Variants in TOP1 observed in about 807,000 individuals in gnomAD.
TOP1 encodes DNA topoisomerase I, also known as DNA topoisomerase 1.
TOP1 carries 10 observed loss-of-function variants against 111.1 expected under a neutral mutation model. That is an observed-to-expected ratio of 0.09 (90% CI 0.06 to 0.15). The LOEUF (loss-of-function observed/expected upper bound fraction) is 0.15. Among genes scored for constraint, TOP1 ranks in the 10% least tolerant of loss-of-function variants. The pLI is 1.00. For synonymous variants in TOP1, 271 were observed against 302.9 expected (o/e 0.89, Z 1.10); for missense variants, 474 against 926.7 (o/e 0.51, Z 6.34).
chr20:41,088,001 T>C (rs1351977911), intron 8 of TOP1, among the ~76,000 whole-genome samples: 2 of 152,234 alleles, frequency 1.3e-5, no homozygotes, highest in African/African-American at 4.8e-5. Flanking sequence ...CAGAACTGTT[T>C]GCTTTTATTT....
intron 2 of TOP1, among the ~76,000 whole-genome samples, chr20:41,040,616 A>AT (rs1306059402): frequency 1.1e-4 from 17 of 152,098 alleles, no homozygotes; most frequent in Non-Finnish European, 2.5e-4. Flanking sequence ...TGGAAATTTG[A>AT]TTTTTAAAAA....
rs1354239470 is a variant in TOP1 at position 41,115,935 on chromosome 20, G to T, written c.1708-343G>T. Among the ~76,000 whole-genome samples the T allele has an allele frequency of 6.6e-6, 1 of 152,088 alleles. No homozygotes were observed. The highest frequency in any genetic ancestry group is 1.5e-5 in the Non-Finnish European group (1 of 68,016). ...GCAACATGGCAAAACCATTATCCAG[G>T]TGTGGTAGTCCACACCTGTAGTCCC... On this transcript the variant is annotated intron_variant, in intron 16 of 20. Coordinates refer to ENST00000361337, the MANE Select transcript of TOP1 (RefSeq NM_003286.4). This position sits in a 1 kb window ranked among gnomAD's most constrained non-coding sequence, Gnocchi z 6.3.
At chr20:41,062,807 A>G (rs2033561431) in intron 3 of TOP1, among the ~76,000 whole-genome samples, 2 of 152,244 alleles carry the variant, frequency 1.3e-5, no homozygotes, top group Non-Finnish European at 2.9e-5. Flanking sequence ...TTTAGTCCAA[A>G]TAGAAAATAA....
intron 3 of TOP1, among the ~76,000 whole-genome samples, chr20:41,063,260 G>T (rs1027324665): frequency 1.3e-5 from 2 of 152,134 alleles, no homozygotes; most frequent in East Asian, 3.8e-4. Flanking sequence ...TGCTACAAAG[G>T]ACATGATTCA....
intron 8 of TOP1, among the ~76,000 whole-genome samples, chr20:41,088,069 T>C (rs1198898271): frequency 6.6e-6 from 1 of 152,238 alleles, no homozygotes; most frequent in African/African-American, 2.4e-5. Flanking sequence ...TATTCTGTCT[T>C]TCTGTTTAAA....
Position 41,057,391 on chromosome 20 carries a change from TAA to T in TOP1, c.59-3992_59-3991del, listed in dbSNP as rs533526984. Among the ~76,000 whole-genome samples the T allele has an allele frequency of 2.3e-3, 329 of 143,400 alleles. 1 individual carries two copies. Among genetic ancestry groups the T allele is most frequent in the African/African-American group, 6.9e-3 (271 of 39,256 alleles). The allele number at this position is 143,400 out of a possible 152,430, so 94.1% of individuals were successfully genotyped here. A position where few individuals can be genotyped will look rare whatever the true frequency, so the allele number is the denominator to read the frequency against. ...AGTGAGACTCTGTCTCCAAAAAAAA[TAA>T]AAAAAAAAAAGTTATTGGCAGACTG... On this transcript the variant is annotated intron_variant, in intron 2 of 20. Coordinates refer to ENST00000361337, the MANE Select transcript of TOP1 (RefSeq NM_003286.4).
At chr20:41,066,533 G>A (rs914602727) in intron 3 of TOP1, among the ~76,000 whole-genome samples, 1 of 149,060 alleles carries the variant, frequency 6.7e-6, no homozygotes, top group Non-Finnish European at 1.5e-5. Context: ...TTTGTTGTAT[G>A]TACTTTTGTG....
Position 41,097,204 on chromosome 20 carries a change from C to G in TOP1, c.731-16C>G. 1 of 1,607,950 alleles carries G rather than the reference C, an allele frequency of 6.2e-7. No individual in the cohort carries two copies. The highest frequency in any genetic ancestry group is 8.5e-7 in the Non-Finnish European group (1 of 1,178,590). ...GAATACTATACCTCACTTTTTGGAA[C>G]CACTTTTTTCTCTAGGTAAAGTCAT... On this transcript the variant is annotated splice_polypyrimidine_tract_variant and intron_variant, in intron 9 of 20. Transcript: ENST00000361337. This position sits in a 1 kb window ranked among gnomAD's most constrained non-coding sequence, Gnocchi z 4.2.
chr20:41,054,502 A>G lies in TOP1; in HGVS notation c.59-6892A>G, dbSNP rs79332072. On this transcript the variant is annotated intron_variant, in intron 2 of 20. Coordinates refer to ENST00000361337, the MANE Select transcript of TOP1 (RefSeq NM_003286.4). ...ATTAGCAGCGTGAGAATGGACTAAT[A>G]CAGATACCTAGATACCCATTATTAT... Among the ~76,000 whole-genome samples the G allele has an allele frequency of 3.9e-4, 59 of 152,306 alleles. No homozygotes were observed. In the East Asian group the frequency reaches 9.5e-3, roughly 24 times the overall value.
chr20:41,038,008 T>C (rs80185287), intron 2 of TOP1, among the ~76,000 whole-genome samples: 3 of 152,004 alleles, frequency 2.0e-5, no homozygotes, highest in Admixed American at 6.6e-5. Context: ...GGGAAAAAAA[T>C]CTGGGAAGAT....
At position 41,124,370 on chromosome 20, in the gene TOP1, AGTGT is replaced by A. The variant is rs1043170442; in HGVS notation, c.*1079_*1082del. 4.3e-6 allele frequency: 1 copy of A among 233,364 alleles called. No individual in the cohort carries two copies. The highest frequency in any genetic ancestry group is 2.2e-5 in the African/African-American group (1 of 45,340). 14.5% of individuals were successfully genotyped at this position (233,364 alleles called of 1,614,324 possible). The stretch of plus-strand genomic sequence containing the variant: ...TTAGTTTTAGAGGCATTGTTAGTTT[AGTGT>A]GTGTGCAGAGTCCATTTCCCACATC... On this transcript the variant is annotated 3_prime_UTR_variant, in exon 21 of 21. Transcript: ENST00000361337. The surrounding 1 kb of genome is among the most constrained non-coding windows in gnomAD (Gnocchi z 5.4).
At chr20:41,096,023 T>C (rs1166112153) in intron 9 of TOP1, among the ~76,000 whole-genome samples, 2 of 152,226 alleles carry the variant, frequency 1.3e-5, no homozygotes, top group African/African-American at 2.4e-5. Context: ...CAGATTTTCT[T>C]TACCAGTTAG....
Position 41,097,496 on chromosome 20 carries a change from A to G in TOP1, c.852+155A>G, listed in dbSNP as rs1458947440. Among the ~76,000 whole-genome samples, 3 of 152,138 alleles carry G rather than the reference A, an allele frequency of 2.0e-5. No individual in the cohort carries two copies. Among genetic ancestry groups the G allele is most frequent in the Non-Finnish European group, 2.9e-5 (2 of 68,018 alleles). On this transcript the variant is annotated intron_variant, in intron 10 of 20. Transcript: ENST00000361337. The surrounding 1 kb of genome is among the most constrained non-coding windows in gnomAD (Gnocchi z 4.2). ...TGCGTATTTTTTGTCTTCATTTACT[A>G]TATTATGTAGGGTTTCTGTCCAACA...
rs1377160287 is a variant in TOP1 at position 41,124,298 on chromosome 20, ACATAAAAAG to A, written c.*1004_*1012del. ...GTAATTGTGTAAAAAATGGAAAAAA[ACATAAAAAG>A]CAGAATTTTAATGTGAAGACATTTT... is the stretch of plus-strand genomic sequence containing the variant. On this transcript the variant is annotated 3_prime_UTR_variant, in exon 21 of 21. Transcript: ENST00000361337. This position sits in a 1 kb window ranked among gnomAD's most constrained non-coding sequence, Gnocchi z 5.4. 4.3e-6 allele frequency: 1 copy of A among 232,924 alleles called. No individual in the cohort carries two copies. Among genetic ancestry groups the A allele is most frequent in the African/African-American group, 2.2e-5 (1 of 45,292 alleles). 14.4% of individuals were successfully genotyped at this position (232,924 alleles called of 1,614,324 possible). A position where few individuals can be genotyped will look rare whatever the true frequency, so the allele number is the denominator to read the frequency against.
At chr20:41,077,739 T>C in intron 5 of TOP1, 102 bp downstream of exon 5, 1 of 1,083,678 alleles carries the variant, frequency 9.2e-7, no homozygotes, top group Non-Finnish European at 1.4e-6. Flanking sequence ...CCCACTGACC[T>C]GGCCATCTTG....
intron 3 of TOP1, among the ~76,000 whole-genome samples, chr20:41,075,316 C>T (rs1342761214): frequency 1.3e-5 from 2 of 152,204 alleles, no homozygotes; most frequent in African/African-American, 4.8e-5. Flanking sequence ...GGACTACAGG[C>T]GCCTGCCACC....
At chr20:41,107,846 C>G (rs2034171883) in intron 13 of TOP1, among the ~76,000 whole-genome samples, 3 of 152,072 alleles carry the variant, frequency 2.0e-5, no homozygotes, top group Admixed American at 6.6e-5. Flanking sequence ...TACTTTTTGT[C>G]TTGGAGGGAG....
At position 41,101,088 on chromosome 20, in the gene TOP1, A is replaced by T. The variant is rs1339672675; in HGVS notation, c.1164-121A>T. 1 of 1,011,034 alleles carries T rather than the reference A, an allele frequency of 9.9e-7. No homozygotes were observed. Among genetic ancestry groups the T allele is most frequent in the Non-Finnish European group, 1.5e-6 (1 of 666,758 alleles). The allele number at this position is 1,011,034 out of a possible 1,614,324, so 62.6% of individuals were successfully genotyped here. A position where few individuals can be genotyped will look rare whatever the true frequency, so the allele number is the denominator to read the frequency against. On this transcript the variant is annotated intron_variant, in intron 12 of 20. Transcript: ENST00000361337. This position sits in a 1 kb window ranked among gnomAD's most constrained non-coding sequence, Gnocchi z 4.1. ...ACCATGCATAAGGTGGGACTACTGTATTGACTGTTAAGAAGGAAACTTGGA... is the reference window on the plus strand; with the variant it reads ...ACCATGCATAAGGTGGGACTACTGTTTTGACTGTTAAGAAGGAAACTTGGA...
chr20:41,081,974 T>C (rs545076882), intron 7 of TOP1, among the ~76,000 whole-genome samples: 11 of 152,326 alleles, frequency 7.2e-5, no homozygotes, highest in South Asian at 6.2e-4. Flanking sequence ...AGATTGAAAA[T>C]AGAATCATAT....
Sources: gnomAD v4.1 joint callset for allele counts (sites outside exome capture counted in the v4.1 genomes callset) on GRCh38, gnomAD v4.1.1 for gene constraint, Gnocchi (gnomAD v3.1) non-coding constraint, MANE v1.5 for transcripts, NCBI Gene and HGNC (gene_info 2026-07-23, HGNC 2026-07-21) for gene names.